The following PNPLA1 variants were observed in gnomAD, a reference collection of about 807,000 sequenced individuals.
PNPLA1 encodes the protein omega-hydroxyceramide transacylase.
A neutral mutation model predicts 51.7 loss-of-function variants in PNPLA1; 36 were observed. The observed-to-expected ratio is 0.70, with a 90% CI of 0.53 to 0.92. The LOEUF (loss-of-function observed/expected upper bound fraction) is 0.92, where lower values mean the gene tolerates loss of function less well. Ranked by LOEUF, PNPLA1 falls within the 40% of genes least tolerant of loss-of-function variation. The pLI, the probability that PNPLA1 is intolerant of heterozygous loss-of-function variation, is 0.00. For synonymous variants in PNPLA1, 293 were observed against 280.1 expected (o/e 1.05, Z -0.46); for missense variants, 658 against 682.5 (o/e 0.96, Z 0.40).
intron 8 of PNPLA1, among the ~76,000 whole-genome samples, chr6:36,309,649 A>T (rs1486527363): frequency 6.6e-6 from 1 of 152,154 alleles, no homozygotes. Flanking sequence ...ACAAGACAAC[A>T]TTCATAAACT....
intron 1 of PNPLA1, among the ~76,000 whole-genome samples, chr6:36,260,579 C>T (rs1317771462): frequency 3.9e-5 from 6 of 152,208 alleles, no homozygotes; most frequent in South Asian, 4.1e-4. Flanking sequence ...CAGAGGCCAC[C>T]GATGTTTTCA....
intron 2 of PNPLA1, among the ~76,000 whole-genome samples, chr6:36,292,024 G>C (rs1320409161): frequency 1.3e-5 from 2 of 152,194 alleles, no homozygotes; most frequent in Non-Finnish European, 1.5e-5. Context: ...TTAACACTTA[G>C]AAAAGTGCAC....
At chr6:36,276,754 GTTCC>G (rs35701454) in intron 1 of PNPLA1, among the ~76,000 whole-genome samples, 58,055 of 149,670 alleles carry the variant, frequency 0.39, 11,298 homozygotes, top group South Asian at 0.5. Flanking sequence ...TCGTTCGTTC[GTTCC>G]TTCCTTCCTT....
In PNPLA1 at chr6:36,293,106, C is replaced by T. The variant is rs375531508; in HGVS notation, c.484C>T (p.Pro162Ser). ...CGTCCCGGTGTACTGTGGCCTCATC[C>T]CCCCGACTTACCGCGGTGTGGTGAG... ...CFVPVYCGLI[P>S]PTYRGVRYID... The change falls in exon 3 of 9, where the codon CCC becomes TCC. Residue 162 changes from proline to serine, a missense_variant. Coordinates refer to ENST00000636260, the MANE Select transcript of PNPLA1 (RefSeq NM_001374623.1). 3 of 1,613,962 alleles carry T rather than the reference C, an allele frequency of 1.9e-6. No homozygotes were observed. The highest frequency in any genetic ancestry group is 2.7e-5 in the African/African-American group (2 of 74,916).
chr6:36,294,782 T>G lies in PNPLA1; in HGVS notation c.714+383T>G, dbSNP rs1770807671. Among the ~76,000 whole-genome samples, 1 of 152,162 alleles carries G rather than the reference T, an allele frequency of 6.6e-6. No homozygotes were observed. The highest frequency in any genetic ancestry group is 2.4e-5 in the African/African-American group (1 of 41,430). On this transcript the variant is annotated intron_variant, in intron 4 of 8. Transcript: ENST00000636260. The surrounding 1 kb of genome is among the most constrained non-coding windows in gnomAD (Gnocchi z 4.2). ...TGAGCTAAGAAAGGGTTTTCCATTT[T>G]TAGAGAGTTATGGGGGAAAGAAAAA...
chr6:36,277,533 ACT>A (rs1770142674), intron 1 of PNPLA1, among the ~76,000 whole-genome samples: 2 of 152,214 alleles, frequency 1.3e-5, no homozygotes, highest in Admixed American at 6.5e-5. Context: ...TCCTGGAGAA[ACT>A]CTGCCCCTGC....
rs201125928 is a variant in PNPLA1, at chr6:36,293,055, G to T, written c.439-6G>T. The T allele has an allele frequency of 1.9e-5, 31 of 1,613,048 alleles. No individual in the cohort carries two copies. The highest frequency in any genetic ancestry group is 2.5e-5 in the Non-Finnish European group (30 of 1,179,436). On this transcript the variant is annotated splice_polypyrimidine_tract_variant and splice_region_variant and intron_variant, in intron 2 of 8. Transcript: ENST00000636260. ...CCAGCATCTCAGCCCTGTTCTCTCC[G>T]CACAGGCCCTATACTGCAGCTGCTT...
Position 36,252,567 on chromosome 6 carries a change from A to G in PNPLA1, c.-81+9306A>G, listed in dbSNP as rs567141936. Among the ~76,000 whole-genome samples, 20 of 149,240 alleles carry G rather than the reference A, an allele frequency of 1.3e-4. No homozygotes were observed. In the South Asian group the frequency reaches 4.2e-3, roughly 31 times the overall value. On this transcript the variant is annotated intron_variant, in intron 1 of 7. Transcript: ENST00000312917. ...CAAAAAAAAAAAAAAAAACCCAGGC[A>G]CTGATGTCAGGGAGCCCAAGGGAAG...
chr6:36,273,081 T>A (rs1309243857), intron 1 of PNPLA1, among the ~76,000 whole-genome samples: 2 of 151,340 alleles, frequency 1.3e-5, no homozygotes, highest in Non-Finnish European at 2.9e-5. Context: ...CCTTCTCTAC[T>A]AAAAAAATAC....
At position 36,291,689 on chromosome 6, in the gene PNPLA1, A is replaced by T. The variant is rs57784236; in HGVS notation, c.438+137A>T. On this transcript the variant is annotated intron_variant, in intron 2 of 8. Transcript: ENST00000636260. ...TCCTTCCCTTCCTTCATGCCCCCAG[A>T]GTCTCGCTGTGCAAGGTGCAGTGCT... The T allele has an allele frequency of 0.12, 92,088 of 756,680 alleles. 7,165 individuals are homozygous for T. The highest frequency in any genetic ancestry group is 0.3 in the Admixed American group (12,090 of 40,804). The allele number at this position is 756,680 out of a possible 1,614,324, so 46.9% of individuals were successfully genotyped here. A position where few individuals can be genotyped will look rare whatever the true frequency, so the allele number is the denominator to read the frequency against.
At chr6:36,298,157 T>C (rs1294372259) in intron 5 of PNPLA1, among the ~76,000 whole-genome samples, 1 of 152,246 alleles carries the variant, frequency 6.6e-6, no homozygotes, top group Non-Finnish European at 1.5e-5. Context: ...TCCGTGCCAC[T>C]GTATGAATGT....
intron 1 of PNPLA1, among the ~76,000 whole-genome samples, chr6:36,259,573 C>T (rs1302605977): frequency 6.6e-6 from 1 of 151,634 alleles, no homozygotes; most frequent in Non-Finnish European, 1.5e-5. Flanking sequence ...CAAGATCCAA[C>T]ATCGATTTAG....
chr6:36,290,881 A>C (rs1341699114), intron 1 of PNPLA1, among the ~76,000 whole-genome samples: 3 of 152,216 alleles, frequency 2.0e-5, no homozygotes, highest in Admixed American at 6.5e-5. Context: ...GGCGTCACTT[A>C]GGAACAACTT....
At chr6:36,259,069 T>C (rs1582033212) in intron 1 of PNPLA1, among the ~76,000 whole-genome samples, 2 of 152,160 alleles carry the variant, frequency 1.3e-5, no homozygotes, top group African/African-American at 4.8e-5. Flanking sequence ...CAACTCATCA[T>C]TGTGTTGTGA....
chr6:36,287,624 C>A (rs1190359743), intron 1 of PNPLA1, among the ~76,000 whole-genome samples: 1 of 152,126 alleles, frequency 6.6e-6, no homozygotes, highest in African/African-American at 2.4e-5. Flanking sequence ...GTGCTTAACA[C>A]TTAACTTTCT....
intron 8 of PNPLA1, among the ~76,000 whole-genome samples, chr6:36,311,214 C>T (rs1363048439): frequency 6.6e-6 from 1 of 152,198 alleles, no homozygotes; most frequent in African/African-American, 2.4e-5. Flanking sequence ...GGAATAGAAG[C>T]ACAGAGGAGA....
At chr6:36,267,058 T>C (rs927981758), upstream of PNPLA1, among the ~76,000 whole-genome samples, 1 of 152,190 alleles carries the variant, frequency 6.6e-6, no homozygotes, top group Non-Finnish European at 1.5e-5. Flanking sequence ...GGTTGTCTTG[T>C]TGGAAGTGTG....
At chr6:36,290,141 A>G (rs1299237550) in intron 1 of PNPLA1, among the ~76,000 whole-genome samples, 1 of 152,218 alleles carries the variant, frequency 6.6e-6, no homozygotes, top group Non-Finnish European at 1.5e-5. Flanking sequence ...CAAAAAACTC[A>G]TGACCGCACA....
intron 1 of PNPLA1, among the ~76,000 whole-genome samples, chr6:36,250,059 C>T (rs1221634386): frequency 2.0e-5 from 3 of 152,220 alleles, no homozygotes; most frequent in African/African-American, 4.8e-5. Context: ...TTGCAGTGAA[C>T]GCTTTCGGTT....
Sources: allele counts gnomAD v4.1 joint callset (sites outside exome capture counted in the v4.1 genomes callset), GRCh38; gene constraint gnomAD v4.1.1; non-coding constraint Gnocchi (gnomAD v3.1); transcripts MANE v1.5; gene names NCBI Gene and HGNC (gene_info 2026-07-23, HGNC 2026-07-21).